Variants in HAS1 observed in about 807,000 individuals in gnomAD.
HAS1 encodes the protein hyaluronan synthase 1, also known as HA synthase 1.
In HAS1, 27 loss-of-function variants were observed where a neutral mutation model predicts 35.0. That is an observed-to-expected ratio of 0.77 (90% CI 0.57 to 1.06). HAS1 has a LOEUF of 1.06. Among genes scored for constraint, HAS1 ranks in the 50% least tolerant of loss-of-function variants. The pLI is 0.00. For missense variants in HAS1, 940 were observed against 814.8 expected, an observed-to-expected ratio of 1.15 and a Z score of -1.87; for synonymous variants, 409 against 371.2, an observed-to-expected ratio of 1.10 and a Z score of -1.17.
At chr19:51,716,133 C>T (rs1414953524) in intron 4 of HAS1, 123 bp downstream of exon 4, 1 of 861,434 alleles carries the variant, frequency 1.2e-6, no homozygotes, top group Non-Finnish European at 1.8e-6. Context: ...CCTCTAAAGT[C>T]TCACTTGATA....
chr19:51,716,461 C>G (rs1288236232), intron 3 of HAS1, 73 bp from the exon 4 acceptor site: 1 of 1,354,904 alleles, frequency 7.4e-7, no homozygotes, highest in Non-Finnish European at 1.0e-6. Context: ...CTGTTTCCAG[C>G]CCCAACCCCA....
chr19:51,713,733 G>A lies in HAS1; in HGVS notation c.1428C>T (p.Phe476=), dbSNP rs753873532. ...LYMCGLLPAK[F]LALVTMNQSG... is the part of the protein sequence containing the mutation. The stretch of plus-strand genomic sequence containing the variant: ...TCTGGTTCATGGTGACTAGCGCCAG[G>A]AACTTGGCAGGCAGGAGGCCACACA... Residue 476 remains phenylalanine (F), a synonymous_variant, in exon 5 of 5, where the codon TTC becomes TTT. Transcript: ENST00000540069. This position sits in a 1 kb window ranked among gnomAD's most constrained non-coding sequence, Gnocchi z 4.5. 2.5e-6 allele frequency: 4 copies of A among 1,607,446 alleles called. No homozygotes were observed. The highest frequency in any genetic ancestry group is 1.7e-5 in the Admixed American group (1 of 59,168).
chr19:51,718,365 G>A (rs1568627233), intron 2 of HAS1, among the ~76,000 whole-genome samples: 1 of 151,976 alleles, frequency 6.6e-6, no homozygotes, highest in African/African-American at 2.4e-5. Flanking sequence ...CACTGAAGGA[G>A]GGGAAAGGAA....
At chr19:51,716,930 C>A in intron 3 of HAS1, 38 bp downstream of exon 3, 4 of 1,397,738 alleles carry the variant, frequency 2.9e-6, no homozygotes, top group Non-Finnish European at 4.1e-6. Flanking sequence ...TCCCTTTCCA[C>A]CCCATCCACA....
At chr19:51,719,993 C>A (rs541504733) in intron 1 of HAS1, 98 bp from the exon 2 acceptor site, 19 of 707,032 alleles carry the variant, frequency 2.7e-5, no homozygotes, top group Non-Finnish European at 4.1e-5. Flanking sequence ...TTCCCTCCTT[C>A]CCTTTCCCTC....
intron 1 of HAS1, 49 bp from the exon 2 acceptor site, chr19:51,719,944 G>T (rs1472038885): frequency 8.0e-7 from 1 of 1,244,654 alleles, no homozygotes; most frequent in Non-Finnish European, 1.1e-6. Context: ...CCGGGCGCAT[G>T]AGCCTCCTCC....
At chr19:51,719,969 A>C in intron 1 of HAS1, 74 bp from the exon 2 acceptor site, 5 of 971,420 alleles carry the variant, frequency 5.1e-6, no homozygotes, top group Admixed American at 2.9e-5. Context: ...GAAGATTAAA[A>C]ATCCTTTCCT....
chr19:51,723,610 TG>T (rs2083645661), intron 1 of HAS1, among the ~76,000 whole-genome samples: 3 of 152,182 alleles, frequency 2.0e-5, no homozygotes, highest in African/African-American at 7.2e-5. Flanking sequence ...TCTTTCTCTC[TG>T]CCTCCCAGGG....
intron 1 of HAS1, 144 bp downstream of exon 1, chr19:51,723,781 T>C: frequency 1.2e-6 from 1 of 803,728 alleles, no homozygotes. Flanking sequence ...TACACACATA[T>C]GGTCACTGTC....
Position 51,713,668 on chromosome 19 carries a change from T to C in HAS1, c.1493A>G (p.Asn498Ser). ...CGCCAGGGGCAGCAGAGGGACGTAG[T>C]TAGCGGCCAGCTTCCGCCGGCCCGA... Reference protein sequence around the residue: ...GTSGRRKLAANYVPLLPLALW... With the variant: ...GTSGRRKLAASYVPLLPLALW... The change falls in exon 5 of 5, where the codon AAC becomes AGC. Residue 498 changes from asparagine (N) to serine (S), a missense_variant. Coordinates refer to ENST00000540069, the MANE Select transcript of HAS1 (RefSeq NM_001297436.2). This position sits in a 1 kb window ranked among gnomAD's most constrained non-coding sequence, Gnocchi z 4.5. 1 of 1,583,230 alleles carries C rather than the reference T, an allele frequency of 6.3e-7. No individual in the cohort carries two copies. The highest frequency in any genetic ancestry group is 2.3e-5 in the East Asian group (1 of 42,944).
At chr19:51,720,901 T>C (rs1248837928) in intron 1 of HAS1, among the ~76,000 whole-genome samples, 1 of 152,208 alleles carries the variant, frequency 6.6e-6, no homozygotes, top group African/African-American at 2.4e-5. Flanking sequence ...CAATGAGGAT[T>C]TATCTCCCAA....
intron 4 of HAS1, among the ~76,000 whole-genome samples, chr19:51,714,858 TATC>T (rs1367481325): frequency 2.0e-5 from 3 of 152,188 alleles, no homozygotes; most frequent in Admixed American, 6.5e-5. Context: ...CTGTTACTAA[TATC>T]ATGTTGGTTA....
In HAS1 at chr19:51,714,087, G is replaced by A; in HGVS notation, c.1074C>T (p.Ser358=). 1 of 1,612,486 alleles carries A rather than the reference G, an allele frequency of 6.2e-7. No homozygotes were observed. Residue 358 remains serine (S), a synonymous_variant, in exon 5 of 5, where the codon TCC becomes TCT. Transcript: ENST00000540069. ...MGYATKYTSR[S]RCYSETPSSF... ...ACGAGGGCGTCTCTGAGTAGCAGCGGGACCTGGAGGTGTACCTGCACGGGG... is the reference window on the plus strand; with the variant it reads ...ACGAGGGCGTCTCTGAGTAGCAGCGAGACCTGGAGGTGTACCTGCACGGGG...
rs373618266 is a variant in HAS1 at position 51,713,196 on chromosome 19, T to C, written c.*231A>G. ...AGAACGAGGAGAAAGCAGGACCCTTTCCCTCCACTCCTCAGATCCCACACC... is the reference window on the plus strand; with the variant it reads ...AGAACGAGGAGAAAGCAGGACCCTTCCCCTCCACTCCTCAGATCCCACACC... On this transcript the variant is annotated 3_prime_UTR_variant, in exon 5 of 5. Coordinates refer to ENST00000540069, the MANE Select transcript of HAS1 (RefSeq NM_001297436.2). The surrounding 1 kb of genome is among the most constrained non-coding windows in gnomAD (Gnocchi z 4.5). 0.12 allele frequency: 49,331 copies of C among 423,944 alleles called. 4,476 individuals carry two copies. The highest frequency in any genetic ancestry group is 0.41 in the East Asian group (11,632 of 28,258). The allele number at this position is 423,944 out of a possible 1,614,324, so 26.3% of individuals were successfully genotyped here.
rs1318388816 is a variant in HAS1 at position 51,713,690 on chromosome 19, C to G, written c.1471G>C (p.Gly491Arg). ...TMNQSGWGTS[G>R]RRKLAANYVP... ...TAGTTAGCGGCCAGCTTCCGCCGGC[C>G]CGAGGTGCCCCAGCCACTCTGGTTC... The change falls in exon 5 of 5, where the codon GGC (glycine) becomes CGC (arginine). Residue 491 changes from glycine to arginine, a missense_variant. Coordinates refer to ENST00000540069, the MANE Select transcript of HAS1 (RefSeq NM_001297436.2). The surrounding 1 kb of genome is among the most constrained non-coding windows in gnomAD (Gnocchi z 4.5). The G allele has an allele frequency of 1.3e-6, 2 of 1,592,496 alleles. No individual in the cohort carries two copies. Among genetic ancestry groups the G allele is most frequent in the East Asian group, 2.3e-5 (1 of 43,498 alleles).
In HAS1 at chr19:51,713,992, G is replaced by C. The variant is rs1416565464; in HGVS notation, c.1169C>G (p.Ala390Gly). 2 of 1,613,734 alleles carry C rather than the reference G, an allele frequency of 1.2e-6. No individual in the cohort carries two copies. Among genetic ancestry groups the C allele is most frequent in the Non-Finnish European group, 1.7e-6 (2 of 1,179,976 alleles). ...KSYFREWLYNALWWHRHHAWM... is the reference protein window; with the variant it reads ...KSYFREWLYNGLWWHRHHAWM... The stretch of plus-strand genomic sequence containing the variant: ...CGCATGGTGCCGGTGCCACCAGAGC[G>C]CGTTGTACAGCCACTCACGGAAGTA... Residue 390 changes from alanine to glycine, a missense_variant, in exon 5 of 5, where the codon GCG becomes GGG. Physicochemically the swap from Ala to Gly is moderately conservative, Grantham distance 60. Coordinates refer to ENST00000540069, the MANE Select transcript of HAS1 (RefSeq NM_001297436.2). This position sits in a 1 kb window ranked among gnomAD's most constrained non-coding sequence, Gnocchi z 4.5.
chr19:51,718,610 C>A (rs927065652), intron 2 of HAS1, among the ~76,000 whole-genome samples: 1 of 152,148 alleles, frequency 6.6e-6, no homozygotes, highest in East Asian at 1.9e-4. Flanking sequence ...AATCTCGGCT[C>A]ACCGCACCCT....
intron 4 of HAS1, among the ~76,000 whole-genome samples, chr19:51,714,523 TA>T (rs1192483861): frequency 0.038 from 3,270 of 85,836 alleles, 118 homozygotes; most frequent in African/African-American, 0.11. Context: ...ACCCCATCTC[TA>T]AAAAAAAAAA....
Position 51,713,602 on chromosome 19 carries a change from A to G in HAS1, c.1559T>C (p.Val520Ala). The G allele has an allele frequency of 1.9e-6, 3 of 1,556,872 alleles. No individual in the cohort carries two copies. Among genetic ancestry groups the G allele is most frequent in the Non-Finnish European group, 2.6e-6 (3 of 1,150,410 alleles). ...LLLLGGLVRSVAHEARADWSG... is the reference protein window; with the variant it reads ...LLLLGGLVRSAAHEARADWSG... The stretch of plus-strand genomic sequence containing the variant: ...CCAGTCGGCCCTGGCCTCGTGTGCT[A>G]CGCTGCGGACCAGGCCCCCAAGCAG... Residue 520 changes from valine to alanine, a missense_variant, in exon 5 of 5, where the codon GTA becomes GCA. Transcript: ENST00000540069. The surrounding 1 kb of genome is among the most constrained non-coding windows in gnomAD (Gnocchi z 4.5).
Sources: gnomAD v4.1 joint callset for allele counts (sites outside exome capture counted in the v4.1 genomes callset) on GRCh38, gnomAD v4.1.1 for gene constraint, Gnocchi (gnomAD v3.1) non-coding constraint, MANE v1.5 for transcripts, NCBI Gene and HGNC (gene_info 2026-07-23, HGNC 2026-07-21) for gene names.